DNAJC1: variants seen among roughly 807,000 people sequenced by gnomAD.
DNAJC1 encodes the protein DnaJ heat shock protein family (Hsp40) member C1.
In DNAJC1, 58 loss-of-function variants were observed where a neutral mutation model predicts 76.6. The ratio of observed to expected loss-of-function variants is 0.76; its 90% CI spans 0.61 to 0.94. The LOEUF (loss-of-function observed/expected upper bound fraction) is 0.94. DNAJC1 is among the 40% of genes least tolerant of loss of function. DNAJC1 has a pLI of 0.00. For synonymous variants in DNAJC1, 258 were observed against 267.9 expected, an observed-to-expected ratio of 0.96 and a Z score of 0.36; for missense variants, 689 against 677.3, an observed-to-expected ratio of 1.02 and a Z score of -0.19.
chr10:21,878,604 C>T (rs1274786742), intron 8 of DNAJC1, among the ~76,000 whole-genome samples: 2 of 152,014 alleles, frequency 1.3e-5, no homozygotes, highest in African/African-American at 4.8e-5. Context: ...GCATGACATA[C>T]CTAACTTTTT....
chr10:21,784,335 T>A (rs1834574007), intron 9 of DNAJC1, among the ~76,000 whole-genome samples: 1 of 152,018 alleles, frequency 6.6e-6, no homozygotes, highest in Admixed American at 6.5e-5. Flanking sequence ...GAAATGCAAA[T>A]CAAAACCACA....
At chr10:21,838,323 C>G (rs1288731037) in intron 8 of DNAJC1, among the ~76,000 whole-genome samples, 1 of 152,004 alleles carries the variant, frequency 6.6e-6, no homozygotes, top group Admixed American at 6.5e-5. Flanking sequence ...ATAACCTTAC[C>G]CCCAACCCCG....
At chr10:21,955,610 T>C (rs74937817) in intron 1 of DNAJC1, among the ~76,000 whole-genome samples, 1,896 of 152,278 alleles carry the variant, frequency 0.012, 31 homozygotes, top group African/African-American at 0.043. Context: ...GATGGCTAAA[T>C]AGAGCTAATT....
At chr10:21,836,349 C>T (rs1026787821) in intron 8 of DNAJC1, among the ~76,000 whole-genome samples, 12 of 152,186 alleles carry the variant, frequency 7.9e-5, no homozygotes, top group African/African-American at 2.9e-4. Context: ...AAAGGAACAA[C>T]CAGTACCAGC....
intron 3 of DNAJC1, 125 bp from the exon 4 acceptor site, chr10:21,921,088 G>A (rs537848135): frequency 4.8e-5 from 39 of 810,722 alleles, no homozygotes; most frequent in East Asian, 1.1e-4. Context: ...GTTTATGTAC[G>A]TTCCCAGCAT....
intron 1 of DNAJC1, among the ~76,000 whole-genome samples, chr10:21,988,710 T>C (rs144041936): frequency 6.6e-6 from 1 of 152,294 alleles, no homozygotes; most frequent in East Asian, 1.9e-4. Flanking sequence ...GAAGACTGAT[T>C]ATAAGAAAAC....
intron 1 of DNAJC1, among the ~76,000 whole-genome samples, chr10:22,001,526 C>T (rs908394939): frequency 3.9e-5 from 6 of 152,158 alleles, no homozygotes; most frequent in East Asian, 1.9e-4. Context: ...ATTATCTATG[C>T]TTCTTTATTT....
intron 8 of DNAJC1, among the ~76,000 whole-genome samples, chr10:21,831,573 G>A (rs939610312): frequency 2.0e-5 from 3 of 152,080 alleles, no homozygotes; most frequent in East Asian, 1.9e-4. Flanking sequence ...GGTGGATCAC[G>A]AGGTCAGGAG....
intron 9 of DNAJC1, among the ~76,000 whole-genome samples, chr10:21,780,368 G>T (rs1163350737): frequency 1.3e-5 from 2 of 152,162 alleles, no homozygotes; most frequent in Admixed American, 6.5e-5. Flanking sequence ...ACCCACAAAG[G>T]GAAGCCCATC....
chr10:21,894,529 C>T (rs1037786225), intron 7 of DNAJC1, among the ~76,000 whole-genome samples: 7 of 151,330 alleles, frequency 4.6e-5, no homozygotes, highest in Non-Finnish European at 8.9e-5. Context: ...CAAGATTGCA[C>T]GATTGCACTC....
chr10:21,970,208 A>T (rs1837956272), intron 1 of DNAJC1, among the ~76,000 whole-genome samples: 2 of 152,174 alleles, frequency 1.3e-5, no homozygotes, highest in African/African-American at 2.4e-5. Flanking sequence ...ATAATTTTGT[A>T]CTATCTAATA....
In DNAJC1 at chr10:21,834,642, G is replaced by A. The variant is rs929972401; in HGVS notation, c.979-28543C>T. On this transcript the variant is annotated intron_variant, in intron 8 of 11. Transcript: ENST00000376980. ...CACCCTAATACTGCACTTTTCCAAC[G>A]GACTTAAAAAACGGCACACCAGGAG... Among the ~76,000 whole-genome samples, 15 of 152,192 alleles carry A rather than the reference G, an allele frequency of 9.9e-5. No homozygotes were observed. The East Asian group carries it at 1.7e-3, about 18-fold the overall frequency.
At chr10:21,803,629 A>ATGTG (rs369489273) in intron 9 of DNAJC1, among the ~76,000 whole-genome samples, 1 of 130,884 alleles carries the variant, frequency 7.6e-6, no homozygotes, top group African/African-American at 2.9e-5. Context: ...GTGTGTATGT[A>ATGTG]TGTGTGTGTG....
intron 6 of DNAJC1, among the ~76,000 whole-genome samples, chr10:21,915,499 C>T (rs1273952160): frequency 6.6e-6 from 1 of 152,150 alleles, no homozygotes; most frequent in Non-Finnish European, 1.5e-5. Flanking sequence ...GCTTCTTAAC[C>T]AATAGCTATA....
chr10:21,946,755 G>T (rs549740328), intron 1 of DNAJC1, among the ~76,000 whole-genome samples: 2 of 152,176 alleles, frequency 1.3e-5, no homozygotes, highest in African/African-American at 4.8e-5. Flanking sequence ...CCCCAAATTA[G>T]AAACAACCTA....
chr10:21,792,189 C>A (rs1327117854), intron 9 of DNAJC1, among the ~76,000 whole-genome samples: 2 of 152,118 alleles, frequency 1.3e-5, no homozygotes, highest in Admixed American at 6.5e-5. Context: ...CTGAATAGAC[C>A]CGTAATAACT....
chr10:21,885,023 C>A (rs1448213781), intron 7 of DNAJC1, among the ~76,000 whole-genome samples: 1 of 152,020 alleles, frequency 6.6e-6, no homozygotes, highest in Non-Finnish European at 1.5e-5. Context: ...TCAATACTAA[C>A]CCTGAATGTC....
intron 1 of DNAJC1, among the ~76,000 whole-genome samples, chr10:21,994,942 TTATA>T (rs1431885537): frequency 6.7e-6 from 1 of 148,260 alleles, no homozygotes; most frequent in Non-Finnish European, 1.5e-5. Flanking sequence ...TATTAATATA[TTATA>T]TATATTTATA....
At chr10:21,786,461 TATAGAGAGAGAG>T (rs1179270691) in intron 9 of DNAJC1, among the ~76,000 whole-genome samples, 15 of 32,102 alleles carry the variant, frequency 4.7e-4, no homozygotes, top group African/African-American at 1.5e-3. Context: ...TATATATATA[TATAGAGAGAGAG>T]AGAGAGAGAG....
Sources: gnomAD v4.1 joint callset for allele counts (sites outside exome capture counted in the v4.1 genomes callset) on GRCh38, gnomAD v4.1.1 for gene constraint, MANE v1.5 for transcripts, NCBI Gene and HGNC (gene_info 2026-07-23, HGNC 2026-07-21) for gene names.